RIC3: variants seen among roughly 807,000 people sequenced by gnomAD.
RIC3 encodes the protein protein RIC-3.
Under a neutral mutation model 27.3 loss-of-function variants are expected in RIC3, and 28 were observed. That is an observed-to-expected ratio of 1.02 (90% CI 0.76 to 1.41). The LOEUF is 1.41. Ranked by LOEUF, RIC3 falls within the 40% of genes most tolerant of loss-of-function variation. The pLI is 0.00. For missense variants in RIC3, 501 were observed against 444.7 expected (o/e 1.13, Z -1.14); for synonymous variants, 184 against 160.4 (o/e 1.15, Z -1.11).
chr11:8,098,783 A>C, the RIC3 span: 1 of 1,614,000 alleles, frequency 6.2e-7, no homozygotes, highest in African/African-American at 1.3e-5. Context: ...CACCAAGTTC[A>C]CTGTTTATGA....
downstream of RIC3, chr11:8,104,794 AG>A (rs1355207942): frequency 1.3e-5 from 2 of 152,214 alleles, no homozygotes; most frequent in Non-Finnish European, 2.9e-5. Flanking sequence ...GTTCAGAGGA[AG>A]CACATAATGT....
intron 4 of RIC3, among the ~76,000 whole-genome samples, chr11:8,128,989 C>T (rs1432573059): frequency 2.6e-5 from 4 of 151,840 alleles, no homozygotes; most frequent in African/African-American, 9.7e-5. Flanking sequence ...CTCCTGACCT[C>T]GTGATCCGCC....
chr11:8,106,093 CTT>C lies in RIC3; in HGVS notation c.*4603_*4604del, dbSNP rs1266292029. 6.6e-6 allele frequency: 1 copy of C among 152,258 alleles called. No individual in the cohort carries two copies. Among genetic ancestry groups the C allele is most frequent in the Non-Finnish European group, 1.5e-5 (1 of 68,020 alleles). 9.4% of individuals were successfully genotyped at this position (152,258 alleles called of 1,614,324 possible). A position where few individuals can be genotyped will look rare whatever the true frequency, so the allele number is the denominator to read the frequency against. ...TGCTTTTATTGACTTTTTGAATAAACTTTGGTATTCTGGAGCAAATGTATTTA... is the reference window on the plus strand; with the variant it reads ...TGCTTTTATTGACTTTTTGAATAAACTGGTATTCTGGAGCAAATGTATTTA... On this transcript the variant is annotated 3_prime_UTR_variant, in exon 6 of 6. Transcript: ENST00000309737.
the RIC3 span, chr11:8,097,261 G>A: frequency 6.2e-7 from 1 of 1,614,158 alleles, no homozygotes; most frequent in Non-Finnish European, 8.5e-7. Context: ...AACAGCTCCA[G>A]AGCAACCAGT....
At chr11:8,098,890 C>G in the RIC3 span, 1 of 1,574,480 alleles carries the variant, frequency 6.4e-7, no homozygotes, top group Non-Finnish European at 8.7e-7. Flanking sequence ...GTCCTAGGTT[C>G]GGGGGTCTCT....
chr11:8,126,760 T>C lies in RIC3; in HGVS notation c.569A>G (p.Gln190Arg). 2 of 1,614,154 alleles carry C rather than the reference T, an allele frequency of 1.2e-6. No homozygotes were observed. The highest frequency in any genetic ancestry group is 1.7e-6 in the Non-Finnish European group (2 of 1,180,016). ...CATGACCCTGGTGATTTCTCGGAGCTGATGTAGCAACCGTTTCTCTTGGTC... is the reference window on the plus strand; with the variant it reads ...CATGACCCTGGTGATTTCTCGGAGCCGATGTAGCAACCGTTTCTCTTGGTC... Reference protein sequence around the residue: ...TSDQEKRLLHQLREITRVMKE... With the variant: ...TSDQEKRLLHRLREITRVMKE... Residue 190 changes from glutamine to arginine, a missense_variant, in exon 5 of 6, where the codon CAG becomes CGG. By Grantham distance (43) the Gln-to-Arg change is conservative. Coordinates refer to ENST00000309737, the MANE Select transcript of RIC3 (RefSeq NM_001206671.4).
intron 1 of RIC3, among the ~76,000 whole-genome samples, chr11:8,144,695 A>C (rs1565077201): frequency 6.6e-6 from 1 of 152,132 alleles, no homozygotes; most frequent in African/African-American, 2.4e-5. Flanking sequence ...TACCCAAAGG[A>C]CTATAAATTA....
intron 5 of RIC3, among the ~76,000 whole-genome samples, chr11:8,122,015 G>C (rs905739167): frequency 6.6e-6 from 1 of 152,122 alleles, no homozygotes; most frequent in Admixed American, 6.5e-5. Context: ...GATCGCCTGA[G>C]TCCCAGCATG....
At chr11:8,102,655 A>C (rs1235876844), downstream of RIC3, 1 of 152,234 alleles carries the variant, frequency 6.6e-6, no homozygotes, top group Non-Finnish European at 1.5e-5. Context: ...CAGCCAAGTC[A>C]TGGTTGGTAA....
At chr11:8,097,268 C>T in the RIC3 span, 3 of 1,614,186 alleles carry the variant, frequency 1.9e-6, no homozygotes, top group Admixed American at 5.0e-5. Flanking sequence ...CCAGAGCAAC[C>T]AGTGGACGTT....
intron 5 of RIC3, among the ~76,000 whole-genome samples, chr11:8,117,169 TCTCAGCCTCCCAC>T (rs756998357): frequency 1.1e-4 from 17 of 152,128 alleles, no homozygotes; most frequent in East Asian, 3.9e-4. Flanking sequence ...CTTGGACTCA[TCTCAGCCTCCCAC>T]CTCAGCCTCC....
chr11:8,108,136 T>C lies in RIC3; in HGVS notation c.*2562A>G, dbSNP rs535984832. ...AGAGCTAGGGCAGGAAGAACCACCA[T>C]AAGGGCTTAGTACTTCTGGCAGGAA... is the stretch of plus-strand genomic sequence containing the variant. On this transcript the variant is annotated 3_prime_UTR_variant, in exon 6 of 6. Transcript: ENST00000309737. The C allele has an allele frequency of 6.6e-6, 1 of 152,220 alleles. No homozygotes were observed. Among genetic ancestry groups the C allele is most frequent in the Non-Finnish European group, 1.5e-5 (1 of 68,044 alleles). 9.4% of individuals were successfully genotyped at this position (152,220 alleles called of 1,614,324 possible).
At chr11:8,162,099 C>T (rs145440357) in intron 1 of RIC3, among the ~76,000 whole-genome samples, 6 of 150,262 alleles carry the variant, frequency 4.0e-5, no homozygotes, top group African/African-American at 1.5e-4. Context: ...GCAACCATTG[C>T]TACCACCCTG....
intron 1 of RIC3, among the ~76,000 whole-genome samples, chr11:8,146,909 G>A (rs760345753): frequency 5.3e-5 from 8 of 152,146 alleles, no homozygotes; most frequent in Non-Finnish European, 8.8e-5. Context: ...CTCTCAGATA[G>A]CAGACTTCTG....
At chr11:8,097,662 G>C in the RIC3 span, 12 of 1,506,104 alleles carry the variant, frequency 8.0e-6, no homozygotes, top group African/African-American at 6.9e-5. Context: ...TCTCATGACT[G>C]TGTGCAGACC....
At chr11:8,153,466 A>T (rs1367849823) in intron 1 of RIC3, 5 of 449,030 alleles carry the variant, frequency 1.1e-5, no homozygotes, top group African/African-American at 1.0e-4. Flanking sequence ...GTCATTCAAT[A>T]AATATTGGAT....
At chr11:8,115,275 T>C (rs146342161) in intron 5 of RIC3, among the ~76,000 whole-genome samples, 128 of 149,464 alleles carry the variant, frequency 8.6e-4, no homozygotes, top group African/African-American at 3.0e-3. Flanking sequence ...AAGAGTGGGA[T>C]AATATATTCA....
intron 4 of RIC3, among the ~76,000 whole-genome samples, chr11:8,136,925 A>G (rs1440389281): frequency 6.6e-6 from 1 of 152,252 alleles, no homozygotes; most frequent in Non-Finnish European, 1.5e-5. Flanking sequence ...TAAATGATAA[A>G]GAATACGTAA....
the RIC3 span, chr11:8,095,532 G>A: frequency 2.5e-6 from 4 of 1,612,830 alleles, no homozygotes; most frequent in East Asian, 6.7e-5. Flanking sequence ...CAGAAGACAA[G>A]TCTGAGGCCC....
Sources: gnomAD v4.1 joint callset for allele counts (sites outside exome capture counted in the v4.1 genomes callset) on GRCh38, gnomAD v4.1.1 for gene constraint, MANE v1.5 for transcripts, NCBI Gene and HGNC (gene_info 2026-07-23, HGNC 2026-07-21) for gene names.